The following CACNG5 variants were observed in gnomAD, a reference collection of about 807,000 sequenced individuals.
CACNG5 encodes calcium voltage-gated channel auxiliary subunit gamma 5.
Under a neutral mutation model 24.8 loss-of-function variants are expected in CACNG5, and 18 were observed. The observed-to-expected ratio is 0.73, with a 90% confidence interval of 0.50 to 1.08. The LOEUF is 1.08. CACNG5 is among the 50% of genes least tolerant of loss of function. The pLI, the probability that CACNG5 is intolerant of heterozygous loss-of-function variation, is 0.00. For missense variants in CACNG5, 349 were observed against 367.9 expected (o/e 0.95, Z 0.42); for synonymous variants, 157 against 149.1 (o/e 1.05, Z -0.39).
chr17:66,861,220 C>T (rs1233253973), intron 1 of CACNG5, among the ~76,000 whole-genome samples: 1 of 152,146 alleles, frequency 6.6e-6, no homozygotes, highest in Non-Finnish European at 1.5e-5. Flanking sequence ...AAGGAAATGA[C>T]ATCAAGTGGT....
chr17:66,884,588 A>T lies in CACNG5; in HGVS notation c.497A>T (p.Asp166Val). 1 of 1,614,164 alleles carries T rather than the reference A, an allele frequency of 6.2e-7. No homozygotes were observed. Among genetic ancestry groups the T allele is most frequent in the Non-Finnish European group, 8.5e-7 (1 of 1,180,028 alleles). The part of the protein sequence containing the change: ...INDEMLNRTK[D>V]AETYFNYKYG... ...GATGAGATGCTCAACAGGACCAAGG[A>T]TGCAGAGACCTACTTCAACTACAAG... Residue 166 changes from aspartate (D) to valine (V), a missense_variant, in exon 5 of 6, where the codon GAT becomes GTT. Coordinates refer to ENST00000533854, the MANE Select transcript of CACNG5 (RefSeq NM_145811.3).
intron 1 of CACNG5, among the ~76,000 whole-genome samples, chr17:66,839,610 G>C (rs905504744): frequency 6.6e-6 from 1 of 151,492 alleles, no homozygotes; most frequent in African/African-American, 2.4e-5. Flanking sequence ...AGAGCGAGAG[G>C]GGGAGGTCTG....
At chr17:66,843,486 A>G (rs737063) in intron 1 of CACNG5, among the ~76,000 whole-genome samples, 21,938 of 152,250 alleles carry the variant, frequency 0.14, 1,896 homozygotes, top group East Asian at 0.38. Flanking sequence ...CCGTAATCCC[A>G]GAGAGTAAAT....
At chr17:66,851,118 C>T (rs539141131) in intron 1 of CACNG5, among the ~76,000 whole-genome samples, 3 of 152,254 alleles carry the variant, frequency 2.0e-5, no homozygotes, top group South Asian at 2.1e-4. Context: ...ATTGCCAGGA[C>T]ATTTAGATCT....
At chr17:66,848,304 C>T (rs1269369877) in intron 1 of CACNG5, among the ~76,000 whole-genome samples, 1 of 152,164 alleles carries the variant, frequency 6.6e-6, no homozygotes, top group Non-Finnish European at 1.5e-5. Flanking sequence ...GTTCCAAATA[C>T]CAAGGAAGCA....
At chr17:66,859,498 C>T (rs1434711163) in intron 1 of CACNG5, among the ~76,000 whole-genome samples, 16 of 152,126 alleles carry the variant, frequency 1.1e-4, no homozygotes, top group Admixed American at 1.0e-3. Flanking sequence ...CATCACAGTG[C>T]TTTGTAACCT....
intron 1 of CACNG5, among the ~76,000 whole-genome samples, chr17:66,840,189 G>C (rs926765380): frequency 1.8e-4 from 27 of 152,292 alleles, no homozygotes; most frequent in African/African-American, 6.5e-4. Context: ...CCAGAGAGAA[G>C]CCAGAGGGCA....
chr17:66,884,158 A>G (rs1438325312), intron 4 of CACNG5, among the ~76,000 whole-genome samples: 1 of 149,908 alleles, frequency 6.7e-6, no homozygotes. Context: ...AAAAAAAAAG[A>G]AGAAAATACA....
chr17:66,862,169 A>G (rs968121126), intron 1 of CACNG5, among the ~76,000 whole-genome samples: 3 of 152,212 alleles, frequency 2.0e-5, no homozygotes, highest in Non-Finnish European at 2.9e-5. Flanking sequence ...AGGAGCAGAA[A>G]GCCCCAAGAA....
At chr17:66,873,118 C>T (rs963442324) in intron 1 of CACNG5, among the ~76,000 whole-genome samples, 2 of 152,150 alleles carry the variant, frequency 1.3e-5, no homozygotes, top group African/African-American at 4.8e-5. Context: ...CAAAGTGGGG[C>T]TGATCCCACC....
chr17:66,867,292 CCTT>C (rs1302028191), intron 1 of CACNG5, among the ~76,000 whole-genome samples: 3 of 151,960 alleles, frequency 2.0e-5, no homozygotes, highest in African/African-American at 7.3e-5. Flanking sequence ...CTGTTCATGT[CCTT>C]TGCCTACCTT....
In CACNG5 at chr17:66,892,168, G is replaced by A. The variant is rs1466871413; in HGVS notation, c.*6928G>A. 6.6e-6 allele frequency among the ~76,000 whole-genome samples: 1 copy of A among 152,204 alleles called. No individual in the cohort carries two copies. Among genetic ancestry groups the A allele is most frequent in the Non-Finnish European group, 1.5e-5 (1 of 68,032 alleles). ...ACTCCTGAGGAGGTGGAAGCCCCAG[G>A]GACCTCCCCCCACTCCTCGCTCTGT... On this transcript the variant is annotated 3_prime_UTR_variant, in exon 6 of 6. Coordinates refer to ENST00000533854, the MANE Select transcript of CACNG5 (RefSeq NM_145811.3).
At chr17:66,838,712 T>TAAC (rs890197941) in intron 1 of CACNG5, among the ~76,000 whole-genome samples, 1 of 152,144 alleles carries the variant, frequency 6.6e-6, no homozygotes, top group African/African-American at 2.4e-5. Context: ...TAAATAATAA[T>TAAC]AACGATGACA....
In CACNG5 at chr17:66,884,920, C is replaced by T. The variant is rs62621240; in HGVS notation, c.571-63C>T. ...CTCGAGCTGTGTCCTGTGCAGACCC[C>T]AGCCAAGGGAGATGAGGCAGGCCCC... is the stretch of plus-strand genomic sequence containing the variant. On this transcript the variant is annotated intron_variant, in intron 5 of 5. Coordinates refer to ENST00000533854, the MANE Select transcript of CACNG5 (RefSeq NM_145811.3). 3.0e-3 allele frequency: 4,770 copies of T among 1,613,958 alleles called. 128 individuals carry two copies. In the African/African-American group the frequency reaches 0.054, roughly 18 times the overall value.
chr17:66,850,621 C>CACACACAA (rs1491034527), intron 1 of CACNG5, among the ~76,000 whole-genome samples: 3 of 151,594 alleles, frequency 2.0e-5, no homozygotes, highest in African/African-American at 7.3e-5. Context: ...CACACACACA[C>CACACACAA]AATGCAGTTG....
chr17:66,870,650 G>T (rs1976992900), intron 1 of CACNG5, among the ~76,000 whole-genome samples: 2 of 152,158 alleles, frequency 1.3e-5, no homozygotes, highest in South Asian at 4.1e-4. Flanking sequence ...AGAAAACCAG[G>T]TGGAACCTAC....
chr17:66,847,086 A>C (rs1038756900), intron 1 of CACNG5, among the ~76,000 whole-genome samples: 2 of 152,196 alleles, frequency 1.3e-5, no homozygotes, highest in Non-Finnish European at 2.9e-5. Context: ...CTTAGCTACC[A>C]ACCTGTTCAC....
chr17:66,884,823 C>T (rs750423088), intron 5 of CACNG5, 160 bp from the exon 6 acceptor site: 1 of 1,613,332 alleles, frequency 6.2e-7, no homozygotes, highest in Non-Finnish European at 8.5e-7. Flanking sequence ...CACTGTCTTA[C>T]CTTTCTGGGT....
intron 1 of CACNG5, among the ~76,000 whole-genome samples, chr17:66,869,764 T>TG (rs1395438561): frequency 6.6e-6 from 1 of 152,198 alleles, no homozygotes; most frequent in African/African-American, 2.4e-5. Context: ...TGGTAACTTC[T>TG]GTTGTGTATC....
Sources: allele counts gnomAD v4.1 joint callset (sites outside exome capture counted in the v4.1 genomes callset), GRCh38; gene constraint gnomAD v4.1.1; transcripts MANE v1.5; gene names NCBI Gene and HGNC (gene_info 2026-07-23, HGNC 2026-07-21).